Variants in CORO2B observed in about 807,000 individuals in gnomAD.
The protein encoded by CORO2B is coronin-2B.
Under a neutral mutation model 58.8 loss-of-function variants are expected in CORO2B, and 26 were observed. The ratio of observed to expected loss-of-function variants is 0.44; its 90% confidence interval spans 0.32 to 0.61. CORO2B has a LOEUF of 0.61. Ranked by LOEUF, CORO2B falls within the 20% of genes least tolerant of loss-of-function variation. The probability of loss-of-function intolerance (pLI) is 0.04; values close to 1 mark genes in which losing one functional copy is unlikely to be tolerated. For missense variants in CORO2B, 460 were observed against 645.1 expected (o/e 0.71, Z 3.11); for synonymous variants, 242 against 253.8 (o/e 0.95, Z 0.44).
At chr15:68,586,710 C>T (rs1195054449) in intron 1 of CORO2B, among the ~76,000 whole-genome samples, 1 of 152,090 alleles carries the variant, frequency 6.6e-6, no homozygotes, top group Non-Finnish European at 1.5e-5. Context: ...TGGCCTCTTT[C>T]CTTCCCGCTG....
chr15:68,593,956 A>G (rs1412760291), intron 1 of CORO2B, among the ~76,000 whole-genome samples: 2 of 152,150 alleles, frequency 1.3e-5, no homozygotes, highest in Admixed American at 1.3e-4. Context: ...TTTGGGGGAA[A>G]GGGAGGAACT....
chr15:68,534,758 C>T, the CORO2B span, among the ~76,000 whole-genome samples: 677 of 152,318 alleles, frequency 4.4e-3, 6 homozygotes, highest in African/African-American at 0.015. Flanking sequence ...CTGATAAAGA[C>T]ATACCCAAGA....
intron 1 of CORO2B, among the ~76,000 whole-genome samples, chr15:68,619,101 G>A (rs1007295430): frequency 6.6e-6 from 1 of 152,114 alleles, no homozygotes; most frequent in Non-Finnish European, 1.5e-5. Flanking sequence ...ATGCAGTTGA[G>A]GATATTGCTC....
intron 2 of CORO2B, among the ~76,000 whole-genome samples, chr15:68,646,446 G>T (rs551900159): frequency 3.9e-5 from 6 of 152,160 alleles, no homozygotes; most frequent in African/African-American, 7.2e-5. Context: ...GCTGGTGGTG[G>T]AGGATGGATT....
chr15:68,717,262 TAAG>T (rs1292654896), intron 8 of CORO2B, among the ~76,000 whole-genome samples: 1 of 147,814 alleles, frequency 6.8e-6, no homozygotes. Context: ...TGCGGTGAGC[TAAG>T]ATCACACCAC....
intron 11 of CORO2B, among the ~76,000 whole-genome samples, chr15:68,723,121 T>G (rs1893204910): frequency 1.0e-5 from 1 of 99,700 alleles, no homozygotes; most frequent in African/African-American, 2.9e-5. Flanking sequence ...ACATTCTTTT[T>G]TTTTTTTTTT....
the CORO2B span, among the ~76,000 whole-genome samples, chr15:68,545,612 C>CGGGG: frequency 0.071 from 3,786 of 53,134 alleles, 158 homozygotes; most frequent in Non-Finnish European, 0.095. Context: ...ATGCGGGGGG[C>CGGGG]GGGGGGGGTA....
chr15:68,643,819 C>T (rs1901334432), intron 1 of CORO2B, among the ~76,000 whole-genome samples: 1 of 152,132 alleles, frequency 6.6e-6, no homozygotes, highest in Middle Eastern at 3.2e-3. Context: ...AGATGGATCA[C>T]CTGAGGTCAG....
chr15:68,539,697 A>C, the CORO2B span, among the ~76,000 whole-genome samples: 2 of 152,196 alleles, frequency 1.3e-5, no homozygotes, highest in Non-Finnish European at 2.9e-5. Flanking sequence ...TATTTATCAT[A>C]ATAGAAAAAC....
the CORO2B span, among the ~76,000 whole-genome samples, chr15:68,532,481 T>C: frequency 3.5e-4 from 54 of 152,320 alleles, no homozygotes; most frequent in African/African-American, 1.2e-3. Context: ...CTAGTAATTT[T>C]AGGTTCTTTT....
At chr15:68,715,092 C>G in intron 7 of CORO2B, 123 bp from the exon 8 acceptor site, 1 of 871,364 alleles carries the variant, frequency 1.1e-6, no homozygotes, top group South Asian at 1.4e-5. Context: ...GCCAGGTTTC[C>G]TTGGTTTTTT....
At chr15:68,650,356 T>TA (rs532431600) in intron 2 of CORO2B, among the ~76,000 whole-genome samples, 1 of 86,084 alleles carries the variant, frequency 1.2e-5, no homozygotes, top group African/African-American at 4.4e-5. Context: ...AAACTCTGTC[T>TA]AAAAAAAAAA....
rs758240353 is a variant in CORO2B, at chr15:68,719,269, G to A, written c.1171+35G>A. On this transcript the variant is annotated intron_variant, in intron 10 of 11. Transcript: ENST00000261861. ...CGGGGGGCTCCACAGAGCACAGGCG[G>A]CTGCAGCCTTTGCCTTCAGCGCAGC... 3.1e-6 allele frequency: 5 copies of A among 1,607,450 alleles called. No individual in the cohort carries two copies. The East Asian group carries it at 1.1e-4, about 36-fold the overall frequency.
intron 2 of CORO2B, among the ~76,000 whole-genome samples, chr15:68,664,407 G>A (rs989706985): frequency 9.2e-5 from 14 of 152,144 alleles, no homozygotes; most frequent in African/African-American, 3.1e-4. Context: ...CAGCACTTTG[G>A]GAGGCCAAGA....
At chr15:68,569,544 G>T in the CORO2B span, among the ~76,000 whole-genome samples, 2 of 152,200 alleles carry the variant, frequency 1.3e-5, no homozygotes, top group African/African-American at 4.8e-5. Flanking sequence ...ACCTACTGAA[G>T]GACATCTTAG....
intron 2 of CORO2B, among the ~76,000 whole-genome samples, chr15:68,646,941 C>G (rs1245868440): frequency 4.6e-5 from 7 of 152,156 alleles, no homozygotes; most frequent in Non-Finnish European, 8.8e-5. Context: ...CTCAGGGACG[C>G]ACTCAGCTCC....
intron 2 of CORO2B, among the ~76,000 whole-genome samples, chr15:68,694,676 C>T (rs1226640936): frequency 6.6e-6 from 1 of 152,172 alleles, no homozygotes; most frequent in Admixed American, 6.5e-5. Flanking sequence ...CTGACTGTGC[C>T]CTGGGGGAAG....
At chr15:68,668,601 A>G (rs1902274379) in intron 2 of CORO2B, among the ~76,000 whole-genome samples, 1 of 152,194 alleles carries the variant, frequency 6.6e-6, no homozygotes, top group South Asian at 2.1e-4. Context: ...GCTGAGGCCC[A>G]GGGCGGGGAG....
At chr15:68,568,593 C>T in the CORO2B span, among the ~76,000 whole-genome samples, 6 of 152,182 alleles carry the variant, frequency 3.9e-5, no homozygotes, top group African/African-American at 1.4e-4. Flanking sequence ...CATAATAGTA[C>T]CAATCCCTTA....
Sources: allele counts gnomAD v4.1 joint callset (sites outside exome capture counted in the v4.1 genomes callset), GRCh38; gene constraint gnomAD v4.1.1; transcripts MANE v1.5; gene names NCBI Gene and HGNC (gene_info 2026-07-23, HGNC 2026-07-21).